The following TBC1D9 variants were observed in gnomAD, a reference collection of about 807,000 sequenced individuals.
TBC1D9 encodes TBC1 domain family member 9.
A neutral mutation model predicts 132.0 loss-of-function variants in TBC1D9; 63 were observed. That is an observed-to-expected ratio of 0.48 (90% CI 0.39 to 0.59). TBC1D9 has a LOEUF of 0.59. TBC1D9 is among the 20% of genes least tolerant of loss of function. The probability of loss-of-function intolerance (pLI) is 0.00; values close to 1 mark genes in which losing one functional copy is unlikely to be tolerated. For missense variants in TBC1D9, 1,261 were observed against 1,592.7 expected (o/e 0.79, Z 3.54); for synonymous variants, 610 against 609.9 (o/e 1.00, Z 0.00).
At chr4:140,667,909 A>G (rs1737473574) in intron 9 of TBC1D9, among the ~76,000 whole-genome samples, 1 of 152,204 alleles carries the variant, frequency 6.6e-6, no homozygotes, top group Non-Finnish European at 1.5e-5. Flanking sequence ...ACAAAGAGCT[A>G]TAGGTTTTTT....
At chr4:140,627,561 G>A in intron 17 of TBC1D9, 34 bp from the exon 18 acceptor site, 1 of 1,297,810 alleles carries the variant, frequency 7.7e-7, no homozygotes, top group Non-Finnish European at 1.1e-6. Flanking sequence ...TCTCATATTG[G>A]TAGGGCCATG....
At chr4:140,663,098 C>A (rs1454132599) in intron 9 of TBC1D9, among the ~76,000 whole-genome samples, 1 of 152,020 alleles carries the variant, frequency 6.6e-6, no homozygotes, top group African/African-American at 2.4e-5. Flanking sequence ...GCAAAGGAAG[C>A]AATCAAAAAG....
chr4:140,652,483 T>TACTA (rs1454583120), intron 13 of TBC1D9, among the ~76,000 whole-genome samples: 20 of 152,182 alleles, frequency 1.3e-4, no homozygotes, highest in Admixed American at 1.2e-3. Context: ...CAAGACTCCC[T>TACTA]ACTAACCAGC....
At position 140,656,812 on chromosome 4, in the gene TBC1D9, C is replaced by T. The variant is rs187629258; in HGVS notation, c.2337+285G>A. Among the ~76,000 whole-genome samples the T allele has an allele frequency of 1.9e-4, 29 of 152,296 alleles. 1 individual carries two copies. The highest frequency in any genetic ancestry group is 1.4e-3 in the Admixed American group (21 of 15,302). ...TGCCTTCACAAATGGATTAATGGCA[C>T]TATAAAAAGGTCTTATGAGCATGGG... On this transcript the variant is annotated intron_variant, in intron 13 of 20. Coordinates refer to ENST00000442267, the MANE Select transcript of TBC1D9 (RefSeq NM_015130.3).
At chr4:140,698,395 A>C (rs1738008980) in intron 2 of TBC1D9, among the ~76,000 whole-genome samples, 1 of 152,178 alleles carries the variant, frequency 6.6e-6, no homozygotes, top group African/African-American at 2.4e-5. Context: ...TGGGCTGTGT[A>C]AACAATGGTT....
rs560331583 is a variant in TBC1D9 at position 140,639,100 on chromosome 4, A to G, written c.2491T>C (p.Tyr831His). 1.9e-6 allele frequency: 3 copies of G among 1,590,790 alleles called. No homozygotes were observed. Among genetic ancestry groups the G allele is most frequent in the African/African-American group, 2.7e-5 (2 of 74,706 alleles). Reference sequence around the variant, plus strand: ...TTGCAACTCACCTTGAAAAGAGCATAAAGTTCTTCCAGCTCATCAATGGTA... The same window carrying G: ...TTGCAACTCACCTTGAAAAGAGCATGAAGTTCTTCCAGCTCATCAATGGTA... Reference protein sequence around the residue: ...SFTIDELEELYALFKAEHLTS... With the variant: ...SFTIDELEELHALFKAEHLTS... Residue 831 changes from tyrosine to histidine, a missense_variant, in exon 15 of 21, where the codon TAT becomes CAT. This residue lies in a region of TBC1D9 where 618 missense variants were observed against 724.4 expected (regional missense o/e 0.85). Transcript: ENST00000442267.
At chr4:140,721,857 C>T (rs1194547578) in intron 1 of TBC1D9, among the ~76,000 whole-genome samples, 2 of 152,146 alleles carry the variant, frequency 1.3e-5, no homozygotes, top group Non-Finnish European at 2.9e-5. Flanking sequence ...TTGCCCAACA[C>T]CTCATATCTC....
chr4:140,681,269 C>T (rs1179700681), intron 3 of TBC1D9, among the ~76,000 whole-genome samples: 1 of 152,172 alleles, frequency 6.6e-6, no homozygotes, highest in African/African-American at 2.4e-5. Context: ...TTCGTGAATC[C>T]TACCAAGTCT....
rs1478630938 is a variant in TBC1D9 at position 140,755,931 on chromosome 4, C to A, written c.115G>T (p.Gly39Cys). The A allele has an allele frequency of 6.3e-7, 1 of 1,579,276 alleles. No homozygotes were observed. The highest frequency in any genetic ancestry group is 8.6e-7 in the Non-Finnish European group (1 of 1,164,948). ...CGGTCCTTACCCGCCAGTCCGCCGC[C>A]GCCGCCTCCATCGCCGGCGTGGCCC... ...RKGHAGDGGG[G>C]GGLAGLLVGT... Residue 39 changes from glycine to cysteine, a missense_variant, in exon 1 of 21, where the codon GGC becomes TGC. Transcript: ENST00000442267.
At chr4:140,635,311 C>T (rs1040917202) in intron 15 of TBC1D9, among the ~76,000 whole-genome samples, 3 of 139,262 alleles carry the variant, frequency 2.2e-5, no homozygotes, top group African/African-American at 9.5e-5. Context: ...GACCCTGTCT[C>T]TATGAAAAAA....
chr4:140,679,597 A>G lies in TBC1D9; in HGVS notation c.589+18T>C. ...GTAGACTTTCCAAAGTTTCCTGCTGAAATTTTAGATGACTTACCTTCCCTT... is the reference window on the plus strand; with the variant it reads ...GTAGACTTTCCAAAGTTTCCTGCTGGAATTTTAGATGACTTACCTTCCCTT... On this transcript the variant is annotated intron_variant, in intron 4 of 20. Coordinates refer to ENST00000442267, the MANE Select transcript of TBC1D9 (RefSeq NM_015130.3). 1 of 1,596,438 alleles carries G rather than the reference A, an allele frequency of 6.3e-7. No individual in the cohort carries two copies. The highest frequency in any genetic ancestry group is 8.6e-7 in the Non-Finnish European group (1 of 1,166,234).
intron 2 of TBC1D9, among the ~76,000 whole-genome samples, chr4:140,695,677 TC>T (rs1376855413): frequency 6.6e-6 from 1 of 152,202 alleles, no homozygotes; most frequent in Non-Finnish European, 1.5e-5. Context: ...GTTAGAACCT[TC>T]TAGTCCTTAT....
chr4:140,650,514 T>C (rs1737171752), intron 13 of TBC1D9, among the ~76,000 whole-genome samples: 1 of 152,172 alleles, frequency 6.6e-6, no homozygotes, highest in African/African-American at 2.4e-5. Context: ...TTTGTAATTC[T>C]GCTCTAGAGT....
At chr4:140,678,649 C>G (rs143900974) in intron 5 of TBC1D9, among the ~76,000 whole-genome samples, 1 of 152,166 alleles carries the variant, frequency 6.6e-6, no homozygotes, top group African/African-American at 2.4e-5. Flanking sequence ...CACTGAGAGG[C>G]CTTTCTTACC....
intron 1 of TBC1D9, among the ~76,000 whole-genome samples, chr4:140,747,803 T>C (rs1238260741): frequency 6.6e-6 from 1 of 152,204 alleles, no homozygotes; most frequent in Non-Finnish European, 1.5e-5. Flanking sequence ...CCCTTTCCTC[T>C]TTGGGTTGGG....
At chr4:140,643,647 G>T in intron 13 of TBC1D9, 1 of 1,073,840 alleles carries the variant, frequency 9.3e-7, no homozygotes, top group South Asian at 1.6e-5. Flanking sequence ...CACCTCCACT[G>T]GCTCCTCCTT....
intron 1 of TBC1D9, among the ~76,000 whole-genome samples, chr4:140,728,178 CA>C (rs1428249387): frequency 6.6e-6 from 1 of 152,062 alleles, no homozygotes; most frequent in African/African-American, 2.4e-5. Context: ...TCTACTGGCC[CA>C]AAGTTAATAA....
rs150297802 is a variant in TBC1D9 at position 140,753,695 on chromosome 4, T to C, written c.130+2221A>G. Among the ~76,000 whole-genome samples the C allele has an allele frequency of 3.6e-3, 552 of 152,306 alleles. 4 individuals carry two copies. The highest frequency in any genetic ancestry group is 0.013 in the African/African-American group (534 of 41,570). Reference sequence around the variant, plus strand: ...GATTCTGTTTTCTGCTGGGACTCTGTAGAGTGGCAATTTTACTTTAATTTA... The same window carrying C: ...GATTCTGTTTTCTGCTGGGACTCTGCAGAGTGGCAATTTTACTTTAATTTA... On this transcript the variant is annotated intron_variant, in intron 1 of 20. Coordinates refer to ENST00000442267, the MANE Select transcript of TBC1D9 (RefSeq NM_015130.3).
In TBC1D9 at chr4:140,644,116, C is replaced by T. The variant is rs756015469; in HGVS notation, c.2338-4688G>A. 1.4e-4 allele frequency: 53 copies of T among 378,884 alleles called. 1 individual carries two copies. The Admixed American group carries it at 1.4e-3, about 10-fold the overall frequency. The allele number at this position is 378,884 out of a possible 1,614,324, so 23.5% of individuals were successfully genotyped here. A position where few individuals can be genotyped will look rare whatever the true frequency, so the allele number is the denominator to read the frequency against. The stretch of plus-strand genomic sequence containing the variant: ...TCAGGGGCCAGGCCATCCGCATCGG[C>T]GGCCACTGTGGGCTGCCCCAGGAAA... On this transcript the variant is annotated intron_variant, in intron 13 of 20. Coordinates refer to ENST00000442267, the MANE Select transcript of TBC1D9 (RefSeq NM_015130.3).
Sources: allele counts gnomAD v4.1 joint callset (sites outside exome capture counted in the v4.1 genomes callset), GRCh38; gene constraint gnomAD v4.1.1; regional missense constraint gnomAD v4.1.1; transcripts MANE v1.5; gene names NCBI Gene and HGNC (gene_info 2026-07-23, HGNC 2026-07-21).